Variants in FRS2 observed in about 807,000 individuals in gnomAD.
FRS2 encodes FGFR signalling adaptor.
Under a neutral mutation model 43.9 loss-of-function variants are expected in FRS2, and 8 were observed. That is an observed-to-expected ratio of 0.18 (90% CI 0.11 to 0.33). The LOEUF (loss-of-function observed/expected upper bound fraction) is 0.33. Ranked by LOEUF, FRS2 falls within the 10% of genes least tolerant of loss-of-function variation. FRS2 has a pLI of 1.00. For synonymous variants in FRS2, 219 were observed against 220.3 expected, an observed-to-expected ratio of 0.99 and a Z score of 0.05; for missense variants, 534 against 627.6, an observed-to-expected ratio of 0.85 and a Z score of 1.59.
chr12:69,477,673 T>C (rs1870939514), intron 1 of FRS2, among the ~76,000 whole-genome samples: 1 of 151,634 alleles, frequency 6.6e-6, no homozygotes, highest in Non-Finnish European at 1.5e-5. Context: ...GCTTTATCAC[T>C]GGTTAGTAGT....
At chr12:69,484,718 A>C (rs562672996) in intron 1 of FRS2, among the ~76,000 whole-genome samples, 2 of 152,234 alleles carry the variant, frequency 1.3e-5, no homozygotes, top group South Asian at 4.1e-4. Flanking sequence ...AGTTAAGTAT[A>C]CCCCTGGGAG....
At chr12:69,485,114 C>G (rs1236433092) in intron 1 of FRS2, among the ~76,000 whole-genome samples, 7 of 147,232 alleles carry the variant, frequency 4.8e-5, no homozygotes, top group Non-Finnish European at 1.0e-4. Flanking sequence ...CACACACACA[C>G]ACACACACAC....
In FRS2 at chr12:69,572,215, G is replaced by C. The variant is rs375745202; in HGVS notation, c.510G>C (p.Val170=). The change falls in exon 8 of 9, where the codon GTG becomes GTC. Residue 170 remains valine, a synonymous_variant. Transcript: ENST00000549921. ...SSHPSSRHPS[V]GSARLPSVGE... ...ATCCGTCAAGCAGACATCCTTCTGT[G>C]GGAAGTGCTCGCCTGCCTTCAGTAG... 12 of 1,613,472 alleles carry C rather than the reference G, an allele frequency of 7.4e-6. No individual in the cohort carries two copies. The highest frequency in any genetic ancestry group is 1.0e-5 in the Non-Finnish European group (12 of 1,179,566).
intron 1 of FRS2, among the ~76,000 whole-genome samples, chr12:69,477,952 A>G (rs1035125216): frequency 2.0e-5 from 3 of 151,458 alleles, no homozygotes. Flanking sequence ...CATGTTAGCC[A>G]GGATGGTCTC....
intron 1 of FRS2, among the ~76,000 whole-genome samples, chr12:69,492,443 G>T (rs1872563391): frequency 6.6e-6 from 1 of 152,192 alleles, no homozygotes; most frequent in African/African-American, 2.4e-5. Flanking sequence ...GGGATGAAAA[G>T]TGGAAATGGC....
chr12:69,477,762 A>G (rs1299372957), intron 1 of FRS2, among the ~76,000 whole-genome samples: 1 of 147,702 alleles, frequency 6.8e-6, no homozygotes, highest in African/African-American at 2.6e-5. Flanking sequence ...ATTTTTTGAG[A>G]CAGAGTCTCG....
intron 1 of FRS2, among the ~76,000 whole-genome samples, chr12:69,499,006 T>C (rs1218222756): frequency 1.3e-5 from 2 of 152,162 alleles, no homozygotes; most frequent in African/African-American, 4.8e-5. Context: ...TTAAATTACT[T>C]TTGTAGGATG....
At chr12:69,551,492 T>A (rs996781635) in intron 3 of FRS2, among the ~76,000 whole-genome samples, 2 of 152,332 alleles carry the variant, frequency 1.3e-5, no homozygotes, top group South Asian at 2.1e-4. Context: ...TATGTTTAAA[T>A]TAAGATCCAG....
intron 1 of FRS2, among the ~76,000 whole-genome samples, chr12:69,498,459 G>A (rs944435747): frequency 5.9e-5 from 9 of 151,454 alleles, no homozygotes; most frequent in African/African-American, 1.9e-4. Flanking sequence ...ATGCGGCCCA[G>A]GATGGCTTTG....
chr12:69,570,569 G>A lies in FRS2; in HGVS notation c.253+52G>A, dbSNP rs754263559. 4.5e-6 allele frequency: 5 copies of A among 1,109,122 alleles called. No homozygotes were observed. In the African/African-American group the frequency reaches 7.8e-5, roughly 17 times the overall value. The allele number at this position is 1,109,122 out of a possible 1,614,324, so 68.7% of individuals were successfully genotyped here. On this transcript the variant is annotated intron_variant, in intron 6 of 8. Coordinates refer to ENST00000549921, the MANE Select transcript of FRS2 (RefSeq NM_001278356.2). Reference sequence around the variant, plus strand: ...TATTGTATTTGAAATTGTTTTTTCAGCTATTCTGTATACAAAGATTAAATT... The same window carrying A: ...TATTGTATTTGAAATTGTTTTTTCAACTATTCTGTATACAAAGATTAAATT...
At chr12:69,538,779 A>G (rs1171635209) in intron 3 of FRS2, among the ~76,000 whole-genome samples, 1 of 152,096 alleles carries the variant, frequency 6.6e-6, no homozygotes. Context: ...ATTCAGATGC[A>G]TTATTTTCAA....
chr12:69,537,195 G>A (rs1415708322), intron 3 of FRS2, among the ~76,000 whole-genome samples: 3 of 151,978 alleles, frequency 2.0e-5, no homozygotes, highest in East Asian at 1.9e-4. Flanking sequence ...CTTAGTTTTG[G>A]CATATTCTTC....
chr12:69,491,376 C>G (rs970530942), intron 1 of FRS2, among the ~76,000 whole-genome samples: 3 of 152,032 alleles, frequency 2.0e-5, no homozygotes, highest in African/African-American at 7.2e-5. Context: ...GATTAATAGT[C>G]GTGAACTACC....
intron 1 of FRS2, among the ~76,000 whole-genome samples, chr12:69,517,332 TC>T: frequency 6.6e-6 from 1 of 152,352 alleles, no homozygotes; most frequent in African/African-American, 2.4e-5. Context: ...TAAATGAATT[TC>T]ATGTTTAGAC....
chr12:69,552,127 A>AC (rs1394196438), intron 3 of FRS2, among the ~76,000 whole-genome samples: 1 of 151,484 alleles, frequency 6.6e-6, no homozygotes, highest in African/African-American at 2.4e-5. Flanking sequence ...ACATGGAGAA[A>AC]CCCCGTCTCT....
At position 69,570,501 on chromosome 12, in the gene FRS2, G is replaced by T. The variant is rs375907210; in HGVS notation, c.237G>T (p.Arg79Ser). The T allele has an allele frequency of 6.2e-7, 1 of 1,608,290 alleles. No individual in the cohort carries two copies. Among genetic ancestry groups the T allele is most frequent in the Non-Finnish European group, 8.5e-7 (1 of 1,174,708 alleles). ...TCTTTTCTTTTGAAAGTGGTCGAAG[G>T]TGTCAAACTGGACAAGGTAGAACCT... ...SNLFSFESGR[R>S]CQTGQGIFAF... The change falls in exon 6 of 9, where the codon AGG becomes AGT. Residue 79 changes from arginine to serine, a missense_variant. Physicochemically the swap from Arg to Ser is moderately radical, Grantham distance 110 (BLOSUM62 -1). Transcript: ENST00000549921.
intron 1 of FRS2, among the ~76,000 whole-genome samples, chr12:69,489,161 C>A (rs561175026): frequency 1.3e-5 from 2 of 152,256 alleles, no homozygotes; most frequent in African/African-American, 4.8e-5. Context: ...GGTTCAAATA[C>A]AGCATGTACT....
intron 1 of FRS2, among the ~76,000 whole-genome samples, chr12:69,519,695 A>G (rs942987491): frequency 5.5e-4 from 83 of 152,268 alleles, no homozygotes; most frequent in African/African-American, 1.9e-3. Context: ...TGCTTAGGAT[A>G]ATGGCCTCCA....
At chr12:69,520,956 A>G (rs1418909686) in intron 1 of FRS2, among the ~76,000 whole-genome samples, 1 of 151,930 alleles carries the variant, frequency 6.6e-6, no homozygotes, top group Non-Finnish European at 1.5e-5. Context: ...CTAGTTCTGT[A>G]AAGAATGTCA....
Sources: gnomAD v4.1 joint callset for allele counts (sites outside exome capture counted in the v4.1 genomes callset) on GRCh38, gnomAD v4.1.1 for gene constraint, MANE v1.5 for transcripts, NCBI Gene and HGNC (gene_info 2026-07-23, HGNC 2026-07-21) for gene names.